PIGK: variants seen among roughly 807,000 people sequenced by gnomAD.
The protein encoded by PIGK is GPI-anchor transamidase.
A neutral mutation model predicts 50.6 loss-of-function variants in PIGK; 42 were observed. That is an observed-to-expected ratio of 0.83 (90% CI 0.65 to 1.07). The LOEUF (loss-of-function observed/expected upper bound fraction) is 1.07. Ranked by LOEUF, PIGK falls within the 50% of genes least tolerant of loss-of-function variation. PIGK has a pLI of 0.00. For synonymous variants in PIGK, 151 were observed against 156.0 expected, an observed-to-expected ratio of 0.97 and a Z score of 0.24; for missense variants, 448 against 488.7, an observed-to-expected ratio of 0.92 and a Z score of 0.78.
chr1:77,219,347 A>G lies in PIGK; in HGVS notation c.56T>C (p.Leu19Pro), dbSNP rs1160072666. The G allele has an allele frequency of 6.2e-7, 1 of 1,613,760 alleles. No homozygotes were observed. Among genetic ancestry groups the G allele is most frequent in the Non-Finnish European group, 8.5e-7 (1 of 1,179,858 alleles). ...RAATVLATVL[L>P]LSFGSVAASH... ...AGCGGCCACGCTGCCGAAGGACAAGAGCAACACAGTTGCCAAGACAGTCGC... is the reference window on the plus strand; with the variant it reads ...AGCGGCCACGCTGCCGAAGGACAAGGGCAACACAGTTGCCAAGACAGTCGC... The change falls in exon 1 of 11, where the codon CTC becomes CCC. Residue 19 changes from leucine (L) to proline (P), a missense_variant. By Grantham distance (98) the Leu-to-Pro change is moderately conservative. Coordinates refer to ENST00000370812, the MANE Select transcript of PIGK (RefSeq NM_005482.3).
At chr1:77,104,056 T>C (rs1653611389) in intron 10 of PIGK, among the ~76,000 whole-genome samples, 2 of 149,794 alleles carry the variant, frequency 1.3e-5, no homozygotes, top group African/African-American at 4.9e-5. Flanking sequence ...TCTGGATCTG[T>C]TGGTAACAAC....
In PIGK at chr1:77,173,803, G is replaced by A. The variant is rs372690450; in HGVS notation, c.240-4408C>T. Among the ~76,000 whole-genome samples, 6 of 152,306 alleles carry A rather than the reference G, an allele frequency of 3.9e-5. No individual in the cohort carries two copies. The South Asian group carries it at 8.3e-4, about 21-fold the overall frequency. ...CCCAGCAAGCTGGTCAATAACAAAC[G>A]TTGCTGCAGTTCCCTGAAACAAACA... On this transcript the variant is annotated intron_variant, in intron 3 of 10. Coordinates refer to ENST00000370812, the MANE Select transcript of PIGK (RefSeq NM_005482.3).
At chr1:77,096,881 C>CTTTTTTTTTTTTTTTTTTTTTTTT (rs141858558) in intron 10 of PIGK, among the ~76,000 whole-genome samples, 16 of 124,298 alleles carry the variant, frequency 1.3e-4, no homozygotes, top group South Asian at 5.3e-4. Context: ...TCGGGTTTTT[C>CTTTTTTTTTTTTTTTTTTTTTTTT]TTTTTTTTTT....
At chr1:77,104,230 G>A (rs1359513055) in intron 10 of PIGK, among the ~76,000 whole-genome samples, 1 of 151,970 alleles carries the variant, frequency 6.6e-6, no homozygotes, top group Non-Finnish European at 1.5e-5. Flanking sequence ...AGAGATATAT[G>A]ACATACAGCC....
intron 3 of PIGK, among the ~76,000 whole-genome samples, chr1:77,203,489 C>T (rs1187794416): frequency 6.6e-6 from 1 of 152,096 alleles, no homozygotes; most frequent in East Asian, 1.9e-4. Context: ...TGGTCATACT[C>T]GAGCTACAGA....
intron 3 of PIGK, among the ~76,000 whole-genome samples, chr1:77,184,075 G>A (rs1173548706): frequency 6.6e-6 from 1 of 152,160 alleles, no homozygotes; most frequent in Non-Finnish European, 1.5e-5. Flanking sequence ...GGATCCCAAG[G>A]TGGCAAGGGC....
chr1:77,179,520 C>T (rs754586564), intron 3 of PIGK, among the ~76,000 whole-genome samples: 1 of 152,170 alleles, frequency 6.6e-6, no homozygotes, highest in Non-Finnish European at 1.5e-5. Flanking sequence ...AAACTGTGTT[C>T]AAATAAGGCA....
At chr1:77,109,290 G>A (rs924806104) in intron 10 of PIGK, among the ~76,000 whole-genome samples, 39 of 152,168 alleles carry the variant, frequency 2.6e-4, no homozygotes, top group Non-Finnish European at 4.3e-4. Flanking sequence ...ACCAAAGCCT[G>A]GCAGAGACAC....
chr1:77,208,778 C>T (rs1455193157), intron 2 of PIGK, among the ~76,000 whole-genome samples: 1 of 152,090 alleles, frequency 6.6e-6, no homozygotes, highest in Non-Finnish European at 1.5e-5. Context: ...AATCACAATG[C>T]TATTACATTT....
chr1:77,160,965 T>C (rs1035182639), intron 8 of PIGK, among the ~76,000 whole-genome samples: 1 of 151,910 alleles, frequency 6.6e-6, no homozygotes, highest in Admixed American at 6.6e-5. Context: ...AAACAAGAAA[T>C]TCCCACAGGG....
chr1:77,211,099 T>A (rs559343897), intron 1 of PIGK, among the ~76,000 whole-genome samples: 1 of 152,002 alleles, frequency 6.6e-6, no homozygotes, highest in African/African-American at 2.4e-5. Context: ...ACTGTGTTTA[T>A]CATCTTCTTA....
chr1:77,195,001 C>T lies in PIGK; in HGVS notation c.239+11639G>A, dbSNP rs573770347. On this transcript the variant is annotated intron_variant, in intron 3 of 10. Transcript: ENST00000370812. ...ATCACGTGGAAGCAGTGAAAAAGCT[C>T]CAAACTCCACCAAGCTCCTGCAGAA... 8 of 716,470 alleles carry T rather than the reference C, an allele frequency of 1.1e-5. 1 individual carries two copies. The African/African-American group carries it at 1.2e-4, about 11-fold the overall frequency. The allele number at this position is 716,470 out of a possible 1,614,324, so 44.4% of individuals were successfully genotyped here. A position where few individuals can be genotyped will look rare whatever the true frequency, so the allele number is the denominator to read the frequency against.
At chr1:77,181,029 C>A (rs1200515358) in intron 3 of PIGK, among the ~76,000 whole-genome samples, 1 of 152,058 alleles carries the variant, frequency 6.6e-6, no homozygotes, top group African/African-American at 2.4e-5. Flanking sequence ...GTTACTTCAT[C>A]TAAATAGAAT....
intron 9 of PIGK, among the ~76,000 whole-genome samples, chr1:77,133,016 C>CT (rs1394380677): frequency 1.3e-5 from 2 of 152,060 alleles, no homozygotes; most frequent in Non-Finnish European, 2.9e-5. Flanking sequence ...ATTCATTTTG[C>CT]TTACAATGAA....
At chr1:77,128,177 T>C (rs1468848519) in intron 9 of PIGK, among the ~76,000 whole-genome samples, 1 of 152,186 alleles carries the variant, frequency 6.6e-6, no homozygotes, top group East Asian at 1.9e-4. Context: ...TCACTATTTT[T>C]CTAATTATCA....
At chr1:77,181,304 TA>T (rs536793474) in intron 3 of PIGK, among the ~76,000 whole-genome samples, 1 of 151,618 alleles carries the variant, frequency 6.6e-6, no homozygotes, top group Admixed American at 6.6e-5. Flanking sequence ...GACCGGTAGG[TA>T]AAAAAAATAT....
chr1:77,216,833 A>G (rs559610291), intron 1 of PIGK, among the ~76,000 whole-genome samples: 1 of 152,292 alleles, frequency 6.6e-6, no homozygotes, highest in African/African-American at 2.4e-5. Flanking sequence ...TCATGTCTCT[A>G]ATGTGCCTTC....
At chr1:77,106,556 A>C (rs1457729673) in intron 10 of PIGK, among the ~76,000 whole-genome samples, 3 of 152,150 alleles carry the variant, frequency 2.0e-5, no homozygotes, top group Non-Finnish European at 4.4e-5. Flanking sequence ...GTACAACAAA[A>C]ATGAATCTTA....
intron 10 of PIGK, among the ~76,000 whole-genome samples, chr1:77,096,881 C>CTTTTTTTTTTTTTTTTTTTTTTT (rs141858558): frequency 1.9e-4 from 24 of 124,244 alleles, no homozygotes; most frequent in South Asian, 2.6e-4. Context: ...TCGGGTTTTT[C>CTTTTTTTTTTTTTTTTTTTTTTT]TTTTTTTTTT....
Sources: gnomAD v4.1 joint callset for allele counts (sites outside exome capture counted in the v4.1 genomes callset) on GRCh38, gnomAD v4.1.1 for gene constraint, MANE v1.5 for transcripts, NCBI Gene and HGNC (gene_info 2026-07-23, HGNC 2026-07-21) for gene names.